Variants in MAPRE2 observed in about 807,000 individuals in gnomAD.
The protein encoded by MAPRE2 is microtubule-associated protein RP/EB family member 2.
Under a neutral mutation model 43.2 loss-of-function variants are expected in MAPRE2, and 13 were observed. That is an observed-to-expected ratio of 0.30 (90% CI 0.20 to 0.48). The LOEUF (loss-of-function observed/expected upper bound fraction) is 0.48. Ranked by LOEUF, MAPRE2 falls within the 20% of genes least tolerant of loss-of-function variation. The pLI, the probability that MAPRE2 is intolerant of heterozygous loss-of-function variation, is 0.99. For missense variants in MAPRE2, 161 were observed against 400.2 expected (o/e 0.40, Z 5.10); for synonymous variants, 135 against 148.8 (o/e 0.91, Z 0.68).
chr18:35,014,108 A>G (rs273365), intron 2 of MAPRE2, among the ~76,000 whole-genome samples: 118,537 of 152,040 alleles, frequency 0.78, 46,446 homozygotes, highest in East Asian at 0.98. Context: ...TAAGATGGCA[A>G]TCCTTTAGGT....
intron 6 of MAPRE2, among the ~76,000 whole-genome samples, chr18:35,138,463 A>G (rs1910487627): frequency 6.6e-6 from 1 of 152,158 alleles, no homozygotes. Flanking sequence ...ATTTTTCCCC[A>G]AGTTTTCAAC....
chr18:35,030,466 T>A (rs763275411), intron 2 of MAPRE2, among the ~76,000 whole-genome samples: 1 of 152,210 alleles, frequency 6.6e-6, no homozygotes, highest in Non-Finnish European at 1.5e-5. Flanking sequence ...GGCAAGTGTG[T>A]TTGTGCTCAG....
chr18:35,114,676 T>C (rs1283836349), intron 4 of MAPRE2, among the ~76,000 whole-genome samples: 1 of 152,320 alleles, frequency 6.6e-6, no homozygotes, highest in African/African-American at 2.4e-5. Flanking sequence ...TCAGAGTCTG[T>C]TCCTTCACAC....
At chr18:35,042,351 CCTT>C (rs1416961053) in intron 1 of MAPRE2, among the ~76,000 whole-genome samples, 1 of 152,020 alleles carries the variant, frequency 6.6e-6, no homozygotes, top group African/African-American at 2.4e-5. Context: ...GGGAGCCTTT[CCTT>C]CTTATTTACA....
At chr18:35,112,184 CTT>C (rs1163762591) in intron 4 of MAPRE2, among the ~76,000 whole-genome samples, 31 of 140,904 alleles carry the variant, frequency 2.2e-4, no homozygotes, top group Non-Finnish European at 3.4e-4. Context: ...TCCTTCCTTC[CTT>C]TTTTTTTTTT....
intron 3 of MAPRE2, 44 bp from the exon 4 acceptor site, chr18:35,101,902 C>T: frequency 5.6e-6 from 8 of 1,429,104 alleles, no homozygotes; most frequent in East Asian, 2.3e-5. Context: ...GGGTATATAC[C>T]CAAACGTGAG....
intron 2 of MAPRE2, among the ~76,000 whole-genome samples, chr18:35,036,142 A>G (rs556076044): frequency 6.6e-6 from 1 of 151,684 alleles, no homozygotes; most frequent in East Asian, 2.0e-4. Flanking sequence ...CTACTTGGCC[A>G]CTCAAGCCAT....
chr18:34,986,745 A>G (rs1385028855), intron 1 of MAPRE2, among the ~76,000 whole-genome samples: 1 of 152,192 alleles, frequency 6.6e-6, no homozygotes. Context: ...GCACTTCAAG[A>G]TAAATTTGGA....
At chr18:35,015,682 T>TGTGTGTGTA (rs2150584985) in intron 2 of MAPRE2, among the ~76,000 whole-genome samples, 1 of 118,538 alleles carries the variant, frequency 8.4e-6, no homozygotes, top group African/African-American at 4.2e-5. Context: ...GTGTGTGTAT[T>TGTGTGTGTA]TTTGCCTTTA....
chr18:35,132,601 C>T (rs1390113668), intron 6 of MAPRE2, among the ~76,000 whole-genome samples: 1 of 152,178 alleles, frequency 6.6e-6, no homozygotes, highest in Non-Finnish European at 1.5e-5. Context: ...CCATAATTGA[C>T]TGTTTTTATT....
chr18:35,100,031 A>G (rs528313440), intron 3 of MAPRE2, among the ~76,000 whole-genome samples: 1 of 152,312 alleles, frequency 6.6e-6, no homozygotes, highest in East Asian at 1.9e-4. Flanking sequence ...TTTAATTTCT[A>G]TAGCTTCCAT....
At chr18:35,015,012 T>A (rs552547326) in intron 2 of MAPRE2, among the ~76,000 whole-genome samples, 8 of 152,274 alleles carry the variant, frequency 5.3e-5, no homozygotes, top group African/African-American at 1.9e-4. Context: ...TCTGTACAAG[T>A]AGGCTGTGGT....
chr18:35,110,120 G>A (rs975155378), intron 4 of MAPRE2, among the ~76,000 whole-genome samples: 1 of 151,944 alleles, frequency 6.6e-6, no homozygotes, highest in Non-Finnish European at 1.5e-5. Context: ...CCCTATAGTT[G>A]TCATATGTAT....
rs559197948 is a variant in MAPRE2 at position 34,977,773 on chromosome 18, C to CT, written c.-70+694_-70+695insT. ...TGCAGGGAGCCCCGGGAGCGCAGGG[C>CT]GAGGGCTACTCAGCGACTTCGCACT... On this transcript the variant is annotated intron_variant, in intron 1 of 7. Coordinates refer to the MAPRE2 transcript ENST00000413393. Among the ~76,000 whole-genome samples, 67 of 152,272 alleles carry CT rather than the reference C, an allele frequency of 4.4e-4. No homozygotes were observed. The East Asian group carries it at 0.013, about 29-fold the overall frequency.
intron 2 of MAPRE2, among the ~76,000 whole-genome samples, chr18:35,009,193 G>T (rs1445791730): frequency 6.6e-6 from 1 of 152,090 alleles, no homozygotes; most frequent in Non-Finnish European, 1.5e-5. Context: ...TGGGAGTTTG[G>T]GGAGGGGGAG....
At chr18:35,051,960 C>G (rs1048064412) in intron 1 of MAPRE2, among the ~76,000 whole-genome samples, 1 of 152,182 alleles carries the variant, frequency 6.6e-6, no homozygotes, top group African/African-American at 2.4e-5. Context: ...AATCTATAAT[C>G]TTTTTGTTCT....
intron 1 of MAPRE2, among the ~76,000 whole-genome samples, chr18:34,985,169 A>G (rs1188022960): frequency 1.3e-5 from 1 of 79,614 alleles, no homozygotes; most frequent in Non-Finnish European, 2.1e-5. Flanking sequence ...ATAAATATAT[A>G]AAAATAATAT....
intron 2 of MAPRE2, among the ~76,000 whole-genome samples, chr18:35,084,286 TAAATA>T (rs1488614498): frequency 6.6e-6 from 1 of 151,938 alleles, no homozygotes; most frequent in African/African-American, 2.4e-5. Flanking sequence ...AAAAAAATAA[TAAATA>T]AAATAACATT....
intron 5 of MAPRE2, among the ~76,000 whole-genome samples, chr18:35,129,157 G>C (rs941500823): frequency 1.3e-5 from 2 of 151,366 alleles, no homozygotes; most frequent in African/African-American, 4.8e-5. Flanking sequence ...GCCTGCCCCT[G>C]TCTGTCCCTC....
Sources: gnomAD v4.1 joint callset for allele counts (sites outside exome capture counted in the v4.1 genomes callset) on GRCh38, gnomAD v4.1.1 for gene constraint, MANE v1.5 for transcripts, NCBI Gene and HGNC (gene_info 2026-07-23, HGNC 2026-07-21) for gene names.